Variants in AFG2B observed in about 807,000 individuals in gnomAD.
AFG2B encodes the protein AAA ATPase AFG2B.
chr15:45,402,729 C>A, the AFG2B span: 1 of 1,565,014 alleles, frequency 6.4e-7, no homozygotes, highest in East Asian at 2.4e-5. Flanking sequence ...ATCGCCTCCT[C>A]CTAGTGCCCT....
chr15:45,402,398 C>G, the AFG2B span: 13,707 of 1,558,820 alleles, frequency 8.8e-3, 268 homozygotes, highest in South Asian at 0.064. Context: ...GTTTCCTAAT[C>G]TGGTTTCGTC....
the AFG2B span, among the ~76,000 whole-genome samples, chr15:45,416,183 TGGGA>T: frequency 6.6e-6 from 1 of 152,248 alleles, no homozygotes; most frequent in Non-Finnish European, 1.5e-5. Flanking sequence ...CCCAGCACTT[TGGGA>T]GGCCAAGGCA....
the AFG2B span, among the ~76,000 whole-genome samples, chr15:45,406,436 T>G: frequency 2.0e-5 from 3 of 152,322 alleles, no homozygotes; most frequent in South Asian, 6.2e-4. Flanking sequence ...TTAATAAGTA[T>G]CTAGTGGGAG....
At chr15:45,414,596 C>G in the AFG2B span, 29 of 1,614,066 alleles carry the variant, frequency 1.8e-5, no homozygotes, top group East Asian at 6.2e-4. Context: ...CTGAAATTCC[C>G]TTGGGAATTT....
At chr15:45,402,612 C>T in the AFG2B span, 20 of 1,576,072 alleles carry the variant, frequency 1.3e-5, no homozygotes, top group African/African-American at 1.9e-4. Flanking sequence ...TCTGCACTGC[C>T]TGGCCTCGGC....
the AFG2B span, chr15:45,405,570 T>A: frequency 1.3e-6 from 2 of 1,513,868 alleles, no homozygotes; most frequent in Non-Finnish European, 1.8e-6. Context: ...ATTTGGGGGT[T>A]AAAAAAAAGC....
the AFG2B span, among the ~76,000 whole-genome samples, chr15:45,408,826 A>G: frequency 9.7e-4 from 147 of 152,294 alleles, no homozygotes; most frequent in African/African-American, 3.4e-3. Context: ...TCGAGGCTCA[A>G]TGAGCTGTTG....
the AFG2B span, among the ~76,000 whole-genome samples, chr15:45,418,034 G>C: frequency 6.6e-6 from 1 of 152,118 alleles, no homozygotes; most frequent in Non-Finnish European, 1.5e-5. Context: ...ATGTCTGATA[G>C]TATTATTTGT....
the AFG2B span, among the ~76,000 whole-genome samples, chr15:45,406,672 TAAG>T: frequency 2.0e-5 from 3 of 152,262 alleles, no homozygotes; most frequent in African/African-American, 7.2e-5. Flanking sequence ...TTCAGCAGGC[TAAG>T]GATTCTGAAA....
chr15:45,403,489 C>A, the AFG2B span: 1 of 1,605,890 alleles, frequency 6.2e-7, no homozygotes, highest in South Asian at 1.1e-5. Flanking sequence ...AGACCCAGCG[C>A]TGCGTAGGCC....
chr15:45,418,795 C>T, the AFG2B span: 4 of 1,374,940 alleles, frequency 2.9e-6, no homozygotes, highest in Non-Finnish European at 3.9e-6. Context: ...TGATGTGAAA[C>T]AGACAGATGT....
the AFG2B span, among the ~76,000 whole-genome samples, chr15:45,419,109 G>A: frequency 6.6e-6 from 1 of 152,084 alleles, no homozygotes; most frequent in Non-Finnish European, 1.5e-5. Context: ...ATAAGAGATG[G>A]TGTGACATTA....
At chr15:45,403,042 C>T in the AFG2B span, 2 of 1,564,720 alleles carry the variant, frequency 1.3e-6, no homozygotes, top group African/African-American at 1.4e-5. Context: ...CCTGGGAGGT[C>T]TTTCGGAGGC....
chr15:45,413,599 T>A, the AFG2B span, among the ~76,000 whole-genome samples: 2 of 152,202 alleles, frequency 1.3e-5, no homozygotes, highest in Non-Finnish European at 2.9e-5. Flanking sequence ...CACTCCAGCC[T>A]TATTATTTTT....
At chr15:45,403,796 A>G in the AFG2B span, among the ~76,000 whole-genome samples, 6 of 152,322 alleles carry the variant, frequency 3.9e-5, no homozygotes, top group East Asian at 1.2e-3. Flanking sequence ...CGAGGTGTCC[A>G]TTACAGATTA....
chr15:45,421,240 A>G, the AFG2B span: 1 of 1,486,136 alleles, frequency 6.7e-7, no homozygotes, highest in African/African-American at 1.4e-5. Flanking sequence ...TTCAGTTCAC[A>G]TTAATTGAAA....
the AFG2B span, among the ~76,000 whole-genome samples, chr15:45,412,517 C>T: frequency 5.9e-5 from 9 of 152,170 alleles, no homozygotes; most frequent in East Asian, 1.9e-4. Context: ...TCACCTCTGC[C>T]GTTGTAGCAC....
At chr15:45,418,778 T>C in the AFG2B span, 33 of 1,469,418 alleles carry the variant, frequency 2.2e-5, no homozygotes, top group East Asian at 7.6e-4. Context: ...GCCTGTGTGG[T>C]ACCATGTGAT....
At chr15:45,407,092 T>C in the AFG2B span, 1 of 1,289,164 alleles carries the variant, frequency 7.8e-7, no homozygotes, top group Non-Finnish European at 1.0e-6. Context: ...CGTCCCAGGG[T>C]GGAGCCCACT....
Sources: gnomAD v4.1 joint callset for allele counts (sites outside exome capture counted in the v4.1 genomes callset) on GRCh38, gnomAD v4.1.1 for gene constraint, MANE v1.5 for transcripts, NCBI Gene and HGNC (gene_info 2026-07-23, HGNC 2026-07-21) for gene names.